Variants in NELL1 observed in about 807,000 individuals in gnomAD.
The protein encoded by NELL1 is neural EGFL like 1, also known as protein kinase C-binding protein NELL1.
In NELL1, 76 loss-of-function variants were observed where a neutral mutation model predicts 107.4. The observed-to-expected ratio is 0.71, with a 90% CI of 0.59 to 0.86. The LOEUF is 0.86. Ranked by LOEUF, NELL1 falls within the 40% of genes least tolerant of loss-of-function variation. The probability of loss-of-function intolerance (pLI) is 0.00; values close to 1 mark genes in which losing one functional copy is unlikely to be tolerated. For synonymous variants in NELL1, 353 were observed against 341.2 expected, an observed-to-expected ratio of 1.03 and a Z score of -0.38; for missense variants, 1,024 against 1,005.5, an observed-to-expected ratio of 1.02 and a Z score of -0.25.
chr11:21,287,774 C>T (rs1270164094), intron 14 of NELL1, among the ~76,000 whole-genome samples: 1 of 151,838 alleles, frequency 6.6e-6, no homozygotes, highest in Admixed American at 6.6e-5. Context: ...GAGGGGGTAA[C>T]TCTCAGTGTC....
chr11:20,669,793 G>A lies in NELL1; in HGVS notation c.55+15G>A. On this transcript the variant is annotated intron_variant, in intron 1 of 19. Coordinates refer to ENST00000357134, the MANE Select transcript of NELL1 (RefSeq NM_006157.5). This position sits in a 1 kb window ranked among gnomAD's most constrained non-coding sequence, Gnocchi z 4.4. ...TGCCAGGACAGGTAAGCATGACTGT[G>A]GCGGTTAGAGGGATCCGGGAAATGG... 1.9e-6 allele frequency: 3 copies of A among 1,609,964 alleles called. No homozygotes were observed. Among genetic ancestry groups the A allele is most frequent in the Non-Finnish European group, 8.5e-7 (1 of 1,176,438 alleles).
intron 2 of NELL1, among the ~76,000 whole-genome samples, chr11:20,721,217 TTATATATATATTTTGTTTATA>T (rs1855378714): frequency 9.0e-6 from 1 of 111,212 alleles, no homozygotes; most frequent in South Asian, 3.0e-4. Context: ...TATATTTTGT[TTATATATATATTTTGTTTATA>T]TATATATATA....
At chr11:20,984,277 A>G (rs965537774) in intron 12 of NELL1, among the ~76,000 whole-genome samples, 4 of 152,192 alleles carry the variant, frequency 2.6e-5, no homozygotes, top group African/African-American at 7.2e-5. Context: ...TAAGTAATAA[A>G]TATTTGAATC....
intron 12 of NELL1, among the ~76,000 whole-genome samples, chr11:21,037,114 G>A (rs574006830): frequency 1.3e-5 from 2 of 152,034 alleles, no homozygotes; most frequent in South Asian, 2.1e-4. Flanking sequence ...AAATTTCCAC[G>A]GTGATGAAAA....
At chr11:21,075,914 G>C (rs1019111825) in intron 12 of NELL1, among the ~76,000 whole-genome samples, 1 of 152,190 alleles carries the variant, frequency 6.6e-6, no homozygotes, top group Non-Finnish European at 1.5e-5. Context: ...CCTGGTCTTA[G>C]AACAGTAGGA....
At chr11:21,535,949 A>G (rs570941146) in intron 16 of NELL1, among the ~76,000 whole-genome samples, 1 of 152,292 alleles carries the variant, frequency 6.6e-6, no homozygotes, top group East Asian at 1.9e-4. Context: ...TTGTTGAGGA[A>G]TGAAAATGGA....
At chr11:21,028,500 A>G (rs1230402638) in intron 12 of NELL1, among the ~76,000 whole-genome samples, 2 of 152,166 alleles carry the variant, frequency 1.3e-5, no homozygotes, top group African/African-American at 4.8e-5. Context: ...ATGCCCACTG[A>G]CGAAATGAAA....
intron 15 of NELL1, among the ~76,000 whole-genome samples, chr11:21,463,371 A>T (rs931527941): frequency 6.6e-6 from 1 of 152,076 alleles, no homozygotes; most frequent in Non-Finnish European, 1.5e-5. Flanking sequence ...CTATAGCCTC[A>T]CCTCAGGCTG....
At chr11:21,190,785 A>C (rs1857033214) in intron 13 of NELL1, among the ~76,000 whole-genome samples, 1 of 151,906 alleles carries the variant, frequency 6.6e-6, no homozygotes, top group Non-Finnish European at 1.5e-5. Context: ...TGGGTGTCAA[A>C]TTTTCCTCAA....
At position 21,017,965 on chromosome 11, in the gene NELL1, C is replaced by T. The variant is rs535761649; in HGVS notation, c.1300+57405C>T. ...CTTCAAAAGGAACCCAAAACTTGCTCTAGTATTTCACACTTCTGTGTCTTT... is the reference window on the plus strand; with the variant it reads ...CTTCAAAAGGAACCCAAAACTTGCTTTAGTATTTCACACTTCTGTGTCTTT... On this transcript the variant is annotated intron_variant, in intron 12 of 19. Transcript: ENST00000357134. Among the ~76,000 whole-genome samples the T allele has an allele frequency of 1.5e-4, 23 of 152,138 alleles. No individual in the cohort carries two copies. In the East Asian group the frequency reaches 4.3e-3, roughly 28 times the overall value.
intron 2 of NELL1, among the ~76,000 whole-genome samples, chr11:20,699,579 C>T (rs574471785): frequency 3.3e-5 from 5 of 152,206 alleles, no homozygotes; most frequent in South Asian, 2.1e-4. Flanking sequence ...AGGCTGATCT[C>T]AAACTCCTGA....
intron 14 of NELL1, among the ~76,000 whole-genome samples, chr11:21,305,976 G>T (rs981705016): frequency 1.3e-5 from 2 of 151,866 alleles, no homozygotes; most frequent in African/African-American, 4.8e-5. Flanking sequence ...CTGGATCAAA[G>T]GATATAAATT....
At chr11:21,394,593 A>G (rs1013464392) in intron 15 of NELL1, among the ~76,000 whole-genome samples, 34 of 151,330 alleles carry the variant, frequency 2.2e-4, no homozygotes, top group Admixed American at 2.0e-3. Flanking sequence ...TGTTGTCTAC[A>G]GTTTCCAAAA....
chr11:21,372,052 C>G (rs1465347717), intron 15 of NELL1, among the ~76,000 whole-genome samples: 1 of 151,884 alleles, frequency 6.6e-6, no homozygotes, highest in African/African-American at 2.4e-5. Context: ...ATATTTGCAC[C>G]ACTGTTTCTA....
rs558129954 is a variant in NELL1, at chr11:21,519,840, A to G, written c.1646-14534A>G. Among the ~76,000 whole-genome samples, 13 of 152,258 alleles carry G rather than the reference A, an allele frequency of 8.5e-5. No homozygotes were observed. The South Asian group carries it at 1.7e-3, about 19-fold the overall frequency. On this transcript the variant is annotated intron_variant, in intron 15 of 19. Transcript: ENST00000357134. ...TCAGGCAGATTCTGCCAGTGTAATT[A>G]TAGTCCAGGTTGGGAGAGAGATTCC...
At chr11:21,457,949 T>C (rs796228365) in intron 15 of NELL1, among the ~76,000 whole-genome samples, 12 of 152,204 alleles carry the variant, frequency 7.9e-5, no homozygotes, top group African/African-American at 2.6e-4. Flanking sequence ...GCTTTGTAGT[T>C]AGAAGGTCAG....
At chr11:21,548,671 C>A (rs1469382697) in intron 16 of NELL1, among the ~76,000 whole-genome samples, 4 of 151,698 alleles carry the variant, frequency 2.6e-5, no homozygotes, top group African/African-American at 9.7e-5. Flanking sequence ...CAGAGCCAAA[C>A]CATATCAGAG....
rs561811810 is a variant in NELL1, at chr11:20,965,579, C to T, written c.1300+5019C>T. On this transcript the variant is annotated intron_variant, in intron 12 of 19. Transcript: ENST00000357134. ...AATGTATAGGTGAACTCATTCCTTC[C>T]TTGGAAAAACACAAGTGGAATTGTA... is the stretch of plus-strand genomic sequence containing the variant. 2.7e-4 allele frequency among the ~76,000 whole-genome samples: 41 copies of T among 152,214 alleles called. No homozygotes were observed. The South Asian group carries it at 6.4e-3, about 24-fold the overall frequency.
intron 19 of NELL1, among the ~76,000 whole-genome samples, chr11:21,574,254 AT>A (rs796871001): frequency 5.0e-4 from 16 of 32,282 alleles, no homozygotes; most frequent in Admixed American, 3.8e-3. Context: ...ATAAATGTAG[AT>A]TTTTTTTTTC....
Sources: allele counts gnomAD v4.1 joint callset (sites outside exome capture counted in the v4.1 genomes callset), GRCh38; gene constraint gnomAD v4.1.1; non-coding constraint Gnocchi (gnomAD v3.1); transcripts MANE v1.5; gene names NCBI Gene and HGNC (gene_info 2026-07-23, HGNC 2026-07-21).